Variants in ATXN7L1 observed in about 807,000 individuals in gnomAD.
The protein encoded by ATXN7L1 is ataxin 7 like 1, also known as ataxin-7-like protein 1.
A neutral mutation model predicts 70.8 loss-of-function variants in ATXN7L1; 15 were observed. That is an observed-to-expected ratio of 0.21 (90% CI 0.14 to 0.33). The LOEUF is 0.33. Ranked by LOEUF, ATXN7L1 falls within the 10% of genes least tolerant of loss-of-function variation. The pLI, the probability that ATXN7L1 is intolerant of heterozygous loss-of-function variation, is 1.00. For missense variants in ATXN7L1, 975 were observed against 1,097.1 expected, an observed-to-expected ratio of 0.89 and a Z score of 1.57; for synonymous variants, 440 against 445.1, an observed-to-expected ratio of 0.99 and a Z score of 0.14.
At chr7:105,728,594 C>T (rs1796170655) in intron 3 of ATXN7L1, among the ~76,000 whole-genome samples, 1 of 152,054 alleles carries the variant, frequency 6.6e-6, no homozygotes, top group South Asian at 2.1e-4. Context: ...TCTTGTTCTG[C>T]CATCTGAGAA....
chr7:105,845,157 A>T (rs2116617712), intron 2 of ATXN7L1, among the ~76,000 whole-genome samples: 1 of 127,690 alleles, frequency 7.8e-6, no homozygotes, highest in Admixed American at 9.4e-5. Context: ...GTGAGCCAAG[A>T]TTGCACCAGT....
rs1584453585 is a variant in ATXN7L1 at position 105,639,096 on chromosome 7, C to T, written c.945+391G>A. ...CCTGGCCACCCCGGTGTGGCTGGATCAGGGGCGCGGCATATCATCCTCCCC... is the reference window on the plus strand; with the variant it reads ...CCTGGCCACCCCGGTGTGGCTGGATTAGGGGCGCGGCATATCATCCTCCCC... On this transcript the variant is annotated intron_variant, in intron 6 of 11. Transcript: ENST00000419735. Among the ~76,000 whole-genome samples the T allele has an allele frequency of 2.6e-5, 4 of 152,110 alleles. No individual in the cohort carries two copies. The South Asian group carries it at 8.3e-4, about 32-fold the overall frequency.
chr7:105,684,346 A>G (rs892645617), intron 3 of ATXN7L1, among the ~76,000 whole-genome samples: 1 of 152,140 alleles, frequency 6.6e-6, no homozygotes, highest in Non-Finnish European at 1.5e-5. Flanking sequence ...ACAAAGCATC[A>G]TTTTCATTAC....
At chr7:105,785,595 G>GAA (rs11386010) in intron 3 of ATXN7L1, among the ~76,000 whole-genome samples, 20 of 150,688 alleles carry the variant, frequency 1.3e-4, no homozygotes, top group East Asian at 3.9e-4. Flanking sequence ...CAAGGAAAGA[G>GAA]AAAAAAAAAA....
chr7:105,840,247 G>C (rs540063935), intron 2 of ATXN7L1, among the ~76,000 whole-genome samples: 1 of 152,358 alleles, frequency 6.6e-6, no homozygotes, highest in African/African-American at 2.4e-5. Flanking sequence ...AGTCATGCTG[G>C]AGACAGTAAA....
intron 9 of ATXN7L1, among the ~76,000 whole-genome samples, chr7:105,618,940 C>T (rs570081733): frequency 6.6e-6 from 1 of 152,164 alleles, no homozygotes; most frequent in South Asian, 2.1e-4. Flanking sequence ...AGAAAGGGAA[C>T]CTAAGTTGGA....
Position 105,746,834 on chromosome 7 carries a change from T to C in ATXN7L1, c.355+41770A>G, listed in dbSNP as rs372812997. 2.6e-5 allele frequency among the ~76,000 whole-genome samples: 4 copies of C among 152,336 alleles called. No individual in the cohort carries two copies. The East Asian group carries it at 7.7e-4, about 29-fold the overall frequency. The stretch of plus-strand genomic sequence containing the variant: ...TCATTTATTTTAAAAAGGAAAAATA[T>C]ACACATGTATACTTGCTTATCTTTG... On this transcript the variant is annotated intron_variant, in intron 3 of 11. Coordinates refer to ENST00000419735, the MANE Select transcript of ATXN7L1 (RefSeq NM_020725.2).
intron 3 of ATXN7L1, among the ~76,000 whole-genome samples, chr7:105,677,165 A>AT (rs1023830689): frequency 7.2e-5 from 11 of 152,168 alleles, no homozygotes; most frequent in African/African-American, 1.4e-4. Flanking sequence ...CAAATCTGTG[A>AT]TTTTTTAAAA....
At position 105,643,658 on chromosome 7, in the gene ATXN7L1, G is replaced by C. The variant is rs538404389; in HGVS notation, c.579-537C>G. Among the ~76,000 whole-genome samples, 4 of 152,376 alleles carry C rather than the reference G, an allele frequency of 2.6e-5. No homozygotes were observed. In the East Asian group the frequency reaches 5.8e-4, roughly 22 times the overall value. ...AGGCCAGCGTGCTGCACGGCGTGCTGTCGGACGGCTTCTGGATCACTCTCA... is the reference window on the plus strand; with the variant it reads ...AGGCCAGCGTGCTGCACGGCGTGCTCTCGGACGGCTTCTGGATCACTCTCA... On this transcript the variant is annotated intron_variant, in intron 4 of 11. Coordinates refer to ENST00000419735, the MANE Select transcript of ATXN7L1 (RefSeq NM_020725.2).
intron 3 of ATXN7L1, among the ~76,000 whole-genome samples, chr7:105,767,286 CG>C (rs1222466516): frequency 6.6e-6 from 1 of 152,086 alleles, no homozygotes; most frequent in African/African-American, 2.4e-5. Flanking sequence ...GGAGGCCCAC[CG>C]GGAGTTTCAA....
At position 105,783,306 on chromosome 7, in the gene ATXN7L1, T is replaced by C. The variant is rs145102101; in HGVS notation, c.355+5298A>G. On this transcript the variant is annotated intron_variant, in intron 3 of 11. Transcript: ENST00000419735. ...TCCCCAGTTTCTGGCACAGAGCTCC[T>C]AAAACCCTTGTAACTTCCTGAGTGA... is the stretch of plus-strand genomic sequence containing the variant. 3.9e-3 allele frequency among the ~76,000 whole-genome samples: 597 copies of C among 152,344 alleles called. 5 individuals carry two copies. The highest frequency in any genetic ancestry group is 0.013 in the African/African-American group (543 of 41,588).
intron 2 of ATXN7L1, among the ~76,000 whole-genome samples, chr7:105,821,133 G>A (rs2190449): frequency 0.17 from 26,040 of 152,068 alleles, 2,874 homozygotes; most frequent in South Asian, 0.4. Context: ...TCTGCCTCCC[G>A]GGTTCAAGCG....
intron 2 of ATXN7L1, among the ~76,000 whole-genome samples, chr7:105,850,440 T>C (rs557021000): frequency 3.3e-5 from 5 of 152,322 alleles, no homozygotes; most frequent in African/African-American, 1.2e-4. Flanking sequence ...GCATTTCCCA[T>C]GGGCCATGCA....
At chr7:105,686,224 T>C (rs572237429) in intron 3 of ATXN7L1, among the ~76,000 whole-genome samples, 1 of 152,206 alleles carries the variant, frequency 6.6e-6, no homozygotes, top group Non-Finnish European at 1.5e-5. Context: ...AAGTCAAAAA[T>C]GCATTTAAGG....
chr7:105,855,434 T>A (rs754874973), intron 2 of ATXN7L1, among the ~76,000 whole-genome samples: 2 of 152,240 alleles, frequency 1.3e-5, no homozygotes, highest in Non-Finnish European at 2.9e-5. Context: ...AATGTATCTG[T>A]ATGGAGGATA....
chr7:105,762,731 T>C (rs532933387), intron 3 of ATXN7L1, among the ~76,000 whole-genome samples: 1 of 152,344 alleles, frequency 6.6e-6, no homozygotes, highest in African/African-American at 2.4e-5. Flanking sequence ...CCCAATTCCC[T>C]TCCTGCAGTG....
chr7:105,874,773 C>G (rs1490953278), intron 2 of ATXN7L1, among the ~76,000 whole-genome samples: 1 of 152,210 alleles, frequency 6.6e-6, no homozygotes, highest in Non-Finnish European at 1.5e-5. Flanking sequence ...CATCTTTCCA[C>G]GCAGGCTTCA....
intron 3 of ATXN7L1, among the ~76,000 whole-genome samples, chr7:105,734,816 G>C (rs1313299601): frequency 1.3e-5 from 2 of 150,950 alleles, no homozygotes; most frequent in Non-Finnish European, 2.9e-5. Context: ...GAGAGAGAGA[G>C]AGAGAGTGAG....
chr7:105,702,309 C>T lies in ATXN7L1; in HGVS notation c.356-37021G>A, dbSNP rs187770373. Among the ~76,000 whole-genome samples, 213 of 152,272 alleles carry T rather than the reference C, an allele frequency of 1.4e-3. 1 individual carries two copies. The highest frequency in any genetic ancestry group is 4.9e-3 in the African/African-American group (202 of 41,570). The stretch of plus-strand genomic sequence containing the variant: ...GCCACCCTATGGGGACTGGTACAGA[C>T]GGGATCCAAACCTAGTTTTCCTGGG... On this transcript the variant is annotated intron_variant, in intron 3 of 11. Transcript: ENST00000419735.
Sources: allele counts gnomAD v4.1 joint callset (sites outside exome capture counted in the v4.1 genomes callset), GRCh38; gene constraint gnomAD v4.1.1; transcripts MANE v1.5; gene names NCBI Gene and HGNC (gene_info 2026-07-23, HGNC 2026-07-21).